ANKS1B: variants seen among roughly 807,000 people sequenced by gnomAD.
ANKS1B encodes the protein ankyrin repeat and sterile alpha motif domain containing 1B, also known as ankyrin repeat and sterile alpha motif domain-containing protein 1B.
In ANKS1B, 36 loss-of-function variants were observed where a neutral mutation model predicts 148.3. That is an observed-to-expected ratio of 0.24 (90% CI 0.19 to 0.32). The LOEUF is 0.32. Among genes scored for constraint, ANKS1B ranks in the 10% least tolerant of loss-of-function variants. The pLI is 1.00. For missense variants in ANKS1B, 1,157 were observed against 1,542.6 expected, an observed-to-expected ratio of 0.75 and a Z score of 4.19; for synonymous variants, 542 against 560.8, an observed-to-expected ratio of 0.97 and a Z score of 0.47.
intron 9 of ANKS1B, 123 bp downstream of exon 9, chr12:99,654,944 A>C (rs1025069952): frequency 8.8e-7 from 1 of 1,141,144 alleles, no homozygotes; most frequent in African/African-American, 1.5e-5. Flanking sequence ...GAAAAACCAC[A>C]AGATCCAAAA....
chr12:99,804,300 C>A (rs1417702701), intron 4 of ANKS1B, among the ~76,000 whole-genome samples: 1 of 152,170 alleles, frequency 6.6e-6, no homozygotes, highest in Non-Finnish European at 1.5e-5. Flanking sequence ...CTTTGTGAGT[C>A]ACCTACAATA....
intron 2 of ANKS1B, among the ~76,000 whole-genome samples, chr12:99,817,459 CT>C (rs2082015394): frequency 1.3e-5 from 2 of 151,396 alleles, no homozygotes; most frequent in Non-Finnish European, 3.0e-5. Context: ...GGGAATAGTG[CT>C]GCAATAAACT....
intron 25 of ANKS1B, among the ~76,000 whole-genome samples, chr12:98,755,928 G>T (rs1441133569): frequency 6.6e-6 from 1 of 152,156 alleles, no homozygotes; most frequent in Non-Finnish European, 1.5e-5. Flanking sequence ...TGGTTTTACT[G>T]ACTTGCTTGA....
At chr12:99,187,887 T>C (rs1187512241) in intron 14 of ANKS1B, among the ~76,000 whole-genome samples, 3 of 152,030 alleles carry the variant, frequency 2.0e-5, no homozygotes, top group African/African-American at 7.2e-5. Context: ...AATTAAAAGA[T>C]ACAGACTGAC....
intron 15 of ANKS1B, among the ~76,000 whole-genome samples, chr12:99,147,840 G>A (rs996637890): frequency 4.6e-5 from 7 of 151,954 alleles, no homozygotes; most frequent in Non-Finnish European, 5.9e-5. Flanking sequence ...GAACACAAAC[G>A]GGGAGTAAAT....
intron 9 of ANKS1B, among the ~76,000 whole-genome samples, chr12:99,634,497 T>G (rs568872034): frequency 6.6e-6 from 1 of 152,214 alleles, no homozygotes; most frequent in South Asian, 2.1e-4. Flanking sequence ...CAACAGAAAA[T>G]AGGCTAATAT....
chr12:98,902,093 C>T (rs2099772902), intron 17 of ANKS1B, among the ~76,000 whole-genome samples: 1 of 152,170 alleles, frequency 6.6e-6, no homozygotes, highest in South Asian at 2.1e-4. Context: ...TATACTTTTT[C>T]CTGAAGGCAA....
intron 12 of ANKS1B, among the ~76,000 whole-genome samples, chr12:99,279,451 T>A (rs1301354645): frequency 6.6e-6 from 1 of 152,134 alleles, no homozygotes; most frequent in Non-Finnish European, 1.5e-5. Context: ...CTTGCAGCAG[T>A]CACTCCTCAT....
At position 99,833,177 on chromosome 12, in the gene ANKS1B, A is replaced by T. The variant is rs538174543; in HGVS notation, c.135-7788T>A. Among the ~76,000 whole-genome samples the T allele has an allele frequency of 4.8e-4, 73 of 152,348 alleles. No individual in the cohort carries two copies. The South Asian group carries it at 0.015, about 31-fold the overall frequency. On this transcript the variant is annotated intron_variant, in intron 1 of 26. Coordinates refer to ENST00000683438, the MANE Select transcript of ANKS1B (RefSeq NM_001352186.2). ...GGAAAAGAAAAGACAATAAACTACA[A>T]AGGAAGAAAGATAGGTTTGCTCCAG...
At chr12:99,821,454 T>C (rs768315551) in intron 2 of ANKS1B, among the ~76,000 whole-genome samples, 66 of 134,626 alleles carry the variant, frequency 4.9e-4, no homozygotes, top group Middle Eastern at 3.6e-3. Context: ...TAAATTATCT[T>C]TATTTTCTAA....
chr12:99,521,620 G>A (rs918841811), intron 9 of ANKS1B, among the ~76,000 whole-genome samples: 5 of 152,146 alleles, frequency 3.3e-5, no homozygotes, highest in Non-Finnish European at 7.3e-5. Context: ...TATCATTTTG[G>A]TGATCTTGGA....
intron 12 of ANKS1B, among the ~76,000 whole-genome samples, chr12:99,366,529 T>C (rs1156229440): frequency 3.9e-5 from 6 of 152,130 alleles, no homozygotes; most frequent in Admixed American, 3.3e-4. Context: ...AAATAGAAAG[T>C]CCAGAAATAG....
chr12:98,957,245 C>T (rs2153108869), intron 17 of ANKS1B, among the ~76,000 whole-genome samples: 1 of 152,094 alleles, frequency 6.6e-6, no homozygotes, highest in African/African-American at 2.4e-5. Flanking sequence ...TGTTAACTTG[C>T]TGCAGAGTGA....
At chr12:99,936,419 G>A (rs2094771700) in intron 1 of ANKS1B, among the ~76,000 whole-genome samples, 1 of 152,154 alleles carries the variant, frequency 6.6e-6, no homozygotes, top group Non-Finnish European at 1.5e-5. Flanking sequence ...GGTCAAGATG[G>A]GAGGATCACT....
chr12:99,102,252 G>A (rs10745843), intron 15 of ANKS1B, among the ~76,000 whole-genome samples: 85,026 of 151,904 alleles, frequency 0.56, 24,921 homozygotes, highest in East Asian at 0.83. Flanking sequence ...CCCAGGAGGA[G>A]TTTTCCATTA....
chr12:99,432,442 A>G (rs1293563465), intron 11 of ANKS1B, among the ~76,000 whole-genome samples: 6 of 152,142 alleles, frequency 3.9e-5, no homozygotes, highest in Non-Finnish European at 7.4e-5. Flanking sequence ...GCCGAAATTG[A>G]GCACTTTATA....
intron 8 of ANKS1B, among the ~76,000 whole-genome samples, chr12:99,714,793 A>T (rs1016245403): frequency 1.3e-5 from 2 of 152,024 alleles, no homozygotes; most frequent in South Asian, 4.2e-4. Context: ...CTACTGTTCC[A>T]GTGAAAAGAA....
At chr12:99,933,678 T>A (rs1211963372) in intron 1 of ANKS1B, among the ~76,000 whole-genome samples, 3 of 152,168 alleles carry the variant, frequency 2.0e-5, no homozygotes, top group Non-Finnish European at 4.4e-5. Flanking sequence ...GACTATATCA[T>A]CTGCAAACAA....
At chr12:99,545,787 TA>T (rs2097167880) in intron 9 of ANKS1B, among the ~76,000 whole-genome samples, 1 of 148,644 alleles carries the variant, frequency 6.7e-6, no homozygotes, top group Admixed American at 6.8e-5. Flanking sequence ...AAATTATATA[TA>T]TATATATATA....
Sources: gnomAD v4.1 joint callset for allele counts (sites outside exome capture counted in the v4.1 genomes callset) on GRCh38, gnomAD v4.1.1 for gene constraint, MANE v1.5 for transcripts, NCBI Gene and HGNC (gene_info 2026-07-23, HGNC 2026-07-21) for gene names.